Variants in PFKFB3 observed in about 807,000 individuals in gnomAD.
The protein encoded by PFKFB3 is 6-phosphofructo-2-kinase/fructose-2,6-biphosphatase 3, also known as 6-phosphofructo-2-kinase/fructose-2,6-bisphosphatase 3.
A neutral mutation model predicts 68.0 loss-of-function variants in PFKFB3; 33 were observed. The observed-to-expected ratio is 0.49, with a 90% CI of 0.37 to 0.65. PFKFB3 has a LOEUF of 0.65. Among genes scored for constraint, PFKFB3 ranks in the 30% least tolerant of loss-of-function variants. The probability of loss-of-function intolerance (pLI) is 0.00; values close to 1 mark genes in which losing one functional copy is unlikely to be tolerated. For synonymous variants in PFKFB3, 315 were observed against 288.2 expected (o/e 1.09, Z -0.94); for missense variants, 586 against 712.2 (o/e 0.82, Z 2.02).
At chr10:6,170,268 A>G (rs1250651055) in intron 1 of PFKFB3, among the ~76,000 whole-genome samples, 2 of 152,232 alleles carry the variant, frequency 1.3e-5, no homozygotes, top group East Asian at 1.9e-4. Context: ...ATCCTGGGCA[A>G]CTTTTTGGAT....
In PFKFB3 at chr10:6,171,741, C is replaced by T. The variant is rs573363256; in HGVS notation, c.16+26728C>T. ...ATTTCTATCATGTACATAATGTGTT[C>T]GTGCAATAGCACATGTATATTAGAT... On this transcript the variant is annotated intron_variant, in intron 1 of 14. Coordinates refer to the PFKFB3 transcript ENST00000379789. 2.8e-3 allele frequency among the ~76,000 whole-genome samples: 425 copies of T among 152,316 alleles called. 1 individual carries two copies. The highest frequency in any genetic ancestry group is 5.0e-3 in the Non-Finnish European group (338 of 68,030).
chr10:6,281,594 C>T, the PFKFB3 span, among the ~76,000 whole-genome samples: 1 of 151,828 alleles, frequency 6.6e-6, no homozygotes, highest in Non-Finnish European at 1.5e-5. Flanking sequence ...ACTGTTTTTC[C>T]CCCACCCTCC....
chr10:6,270,103 G>A, the PFKFB3 span, among the ~76,000 whole-genome samples: 5 of 152,234 alleles, frequency 3.3e-5, no homozygotes, highest in East Asian at 9.7e-4. Flanking sequence ...TTGTACTCCA[G>A]CCTGGGCAAC....
the PFKFB3 span, among the ~76,000 whole-genome samples, chr10:6,276,424 A>T: frequency 7.8e-4 from 119 of 152,234 alleles, no homozygotes; most frequent in African/African-American, 2.6e-3. Context: ...AAACAAACCA[A>T]AAAATGCCAA....
chr10:6,246,589 G>A (rs1485653770), intron 14 of PFKFB3, among the ~76,000 whole-genome samples: 6 of 151,934 alleles, frequency 3.9e-5, no homozygotes, highest in Admixed American at 6.6e-5. Context: ...TGATCCGCCC[G>A]CGTCGGCCTC....
the PFKFB3 span, among the ~76,000 whole-genome samples, chr10:6,316,798 TC>T: frequency 6.6e-6 from 1 of 152,220 alleles, no homozygotes; most frequent in South Asian, 2.1e-4. Context: ...AGTGGCATCT[TC>T]TTCCAGCCTT....
At chr10:6,280,430 G>T in the PFKFB3 span, among the ~76,000 whole-genome samples, 1 of 152,204 alleles carries the variant, frequency 6.6e-6, no homozygotes, top group East Asian at 1.9e-4. Context: ...CTCGCCTGAC[G>T]GTGGGAGGAA....
the PFKFB3 span, chr10:6,326,584 C>T: frequency 2.2e-6 from 1 of 454,698 alleles, no homozygotes; most frequent in Non-Finnish European, 4.4e-6. Context: ...CGTGACTCTC[C>T]TCCCTGCTCC....
At chr10:6,150,867 C>T (rs560109926) in intron 1 of PFKFB3, among the ~76,000 whole-genome samples, 12 of 152,170 alleles carry the variant, frequency 7.9e-5, no homozygotes, top group African/African-American at 2.9e-4. Flanking sequence ...GGTATGGTGG[C>T]GGGCACCTGT....
chr10:6,205,709 T>C (rs937943624), intron 1 of PFKFB3, among the ~76,000 whole-genome samples: 2 of 152,270 alleles, frequency 1.3e-5, no homozygotes, highest in Non-Finnish European at 2.9e-5. Flanking sequence ...GTTTTCTTTC[T>C]CCTAAACTTG....
chr10:6,224,018 A>G lies in PFKFB3; in HGVS notation c.1274A>G (p.Tyr425Cys), dbSNP rs1247021600. ...GTCCTGAAACTGACGCCTGTCGCTT[A>G]TGGTGAGTAGCAACCCCTGCCAAGC... Reference protein sequence around the residue: ...HTVLKLTPVAYGCRVESIYLN... With the variant: ...HTVLKLTPVACGCRVESIYLN... Residue 425 changes from tyrosine to cysteine, a missense_variant and splice_region_variant, in exon 12 of 15, where the codon TAT (tyrosine) becomes TGT (cysteine). Coordinates refer to ENST00000379775, the MANE Select transcript of PFKFB3 (RefSeq NM_004566.4). 1.9e-6 allele frequency: 3 copies of G among 1,614,056 alleles called. No individual in the cohort carries two copies. Among genetic ancestry groups the G allele is most frequent in the Non-Finnish European group, 2.5e-6 (3 of 1,179,992 alleles).
At chr10:6,320,346 A>G in the PFKFB3 span, among the ~76,000 whole-genome samples, 2 of 152,230 alleles carry the variant, frequency 1.3e-5, no homozygotes, top group South Asian at 4.1e-4. Flanking sequence ...TTTTAAAAAA[A>G]TGGAAAAATG....
rs1030266357 is a variant in PFKFB3 at position 6,224,555 on chromosome 10, A to G, written c.1341+342A>G. The G allele has an allele frequency of 1.5e-5, 7 of 464,656 alleles. No individual in the cohort carries two copies. In the Admixed American group the frequency reaches 1.7e-4, roughly 12 times the overall value. 28.8% of individuals were successfully genotyped at this position (464,656 alleles called of 1,614,324 possible). On this transcript the variant is annotated intron_variant, in intron 13 of 14. Coordinates refer to ENST00000379775, the MANE Select transcript of PFKFB3 (RefSeq NM_004566.4). Reference sequence around the variant, plus strand: ...GAGTGCGGTGGCGCAGTCACGGCTCACTGCAGCCTCAACCTCCTGGGTTCA... The same window carrying G: ...GAGTGCGGTGGCGCAGTCACGGCTCGCTGCAGCCTCAACCTCCTGGGTTCA...
In PFKFB3 at chr10:6,233,906, C is replaced by T. The variant is rs1588553799; in HGVS notation, c.*964C>T. 6.5e-6 allele frequency: 1 copy of T among 152,874 alleles called. No homozygotes were observed. Among genetic ancestry groups the T allele is most frequent in the Non-Finnish European group, 1.5e-5 (1 of 68,228 alleles). 9.5% of individuals were successfully genotyped at this position (152,874 alleles called of 1,614,324 possible). A position where few individuals can be genotyped will look rare whatever the true frequency, so the allele number is the denominator to read the frequency against. ...CAGCACTTGCATTACCGTCCCTGCT[C>T]TTCCCAGGTGGGGACAGTGGCCCAA... is the stretch of plus-strand genomic sequence containing the variant. On this transcript the variant is annotated 3_prime_UTR_variant, in exon 15 of 15. Transcript: ENST00000379775.
chr10:6,227,513 C>T (rs1845436536), intron 14 of PFKFB3, among the ~76,000 whole-genome samples: 2 of 152,194 alleles, frequency 1.3e-5, no homozygotes, highest in South Asian at 4.2e-4. Flanking sequence ...CTTAACCTCT[C>T]CAGGCCTCAG....
chr10:6,168,670 C>T (rs1842209436), intron 1 of PFKFB3, among the ~76,000 whole-genome samples: 1 of 152,174 alleles, frequency 6.6e-6, no homozygotes, highest in Non-Finnish European at 1.5e-5. Flanking sequence ...ATTGCTACGA[C>T]CATTATGCAT....
In PFKFB3 at chr10:6,231,422, GGTT is replaced by G. The variant is rs1159550705; in HGVS notation, c.1516-1469_1516-1467del. 115 of 1,562,944 alleles carry G rather than the reference GGTT, an allele frequency of 7.4e-5. No individual in the cohort carries two copies. The Middle Eastern group carries it at 1.4e-3, about 19-fold the overall frequency. ...CGGGGCTCATCTGTCTCCATGCCGA[GGTT>G]GTTAAGTGCAACACCATTGTCGTGA... On this transcript the variant is annotated intron_variant, in intron 14 of 14. Coordinates refer to ENST00000379775, the MANE Select transcript of PFKFB3 (RefSeq NM_004566.4).
At position 6,193,011 on chromosome 10, in the gene PFKFB3, G is replaced by C. The variant is rs374565497; in HGVS notation, c.17-20612G>C. Among the ~76,000 whole-genome samples the C allele has an allele frequency of 7.2e-5, 11 of 152,238 alleles. No individual in the cohort carries two copies. In the East Asian group the frequency reaches 1.2e-3, roughly 16 times the overall value. ...TCAGAGCCCTGCAGGATTTATGGAAGCTGCTTCCAGCTTCTTATGTGAGCC... is the reference window on the plus strand; with the variant it reads ...TCAGAGCCCTGCAGGATTTATGGAACCTGCTTCCAGCTTCTTATGTGAGCC... On this transcript the variant is annotated intron_variant, in intron 1 of 14. Coordinates refer to the PFKFB3 transcript ENST00000379789.
chr10:6,255,130 TTTC>T (rs150122904), downstream of PFKFB3, among the ~76,000 whole-genome samples: 13,120 of 149,588 alleles, frequency 0.088, 659 homozygotes, highest in African/African-American at 0.15. Flanking sequence ...CTCTGTTTCT[TTTC>T]TTCTTCTTTT....
Sources: gnomAD v4.1 joint callset for allele counts (sites outside exome capture counted in the v4.1 genomes callset) on GRCh38, gnomAD v4.1.1 for gene constraint, MANE v1.5 for transcripts, NCBI Gene and HGNC (gene_info 2026-07-23, HGNC 2026-07-21) for gene names.